Variants in NUDCD3 observed in about 807,000 individuals in gnomAD.
The protein encoded by NUDCD3 is NudC domain containing 3.
A neutral mutation model predicts 39.7 loss-of-function variants in NUDCD3; 13 were observed. That is an observed-to-expected ratio of 0.33 (90% CI 0.21 to 0.52). The LOEUF (loss-of-function observed/expected upper bound fraction) is 0.52. Ranked by LOEUF, NUDCD3 falls within the 20% of genes least tolerant of loss-of-function variation. The pLI, the probability that NUDCD3 is intolerant of heterozygous loss-of-function variation, is 0.96. For missense variants in NUDCD3, 453 were observed against 458.1 expected (o/e 0.99, Z 0.10); for synonymous variants, 175 against 172.4 (o/e 1.02, Z -0.12).
intron 2 of NUDCD3, among the ~76,000 whole-genome samples, chr7:44,444,574 T>G (rs1221105274): frequency 6.6e-6 from 1 of 152,222 alleles, no homozygotes; most frequent in African/African-American, 2.4e-5. Context: ...AAGAATTACT[T>G]TGACAGAGCA....
At chr7:44,481,294 G>C (rs1800486000) in intron 2 of NUDCD3, 1 of 152,206 alleles carries the variant, frequency 6.6e-6, no homozygotes, top group South Asian at 2.1e-4. Flanking sequence ...TGGCTTACAT[G>C]ATTGTGGGGG....
At chr7:44,418,013 G>A (rs956335448) in intron 3 of NUDCD3, among the ~76,000 whole-genome samples, 1 of 152,190 alleles carries the variant, frequency 6.6e-6, no homozygotes, top group African/African-American at 2.4e-5. Context: ...AAAAGTCTCA[G>A]TCTTCTTAGG....
chr7:44,490,418 C>T lies in NUDCD3; in HGVS notation c.183G>A (p.Leu61=). The part of the protein sequence containing the change: ...MGFPPGAAQA[L]VLQVFKTFDH... The stretch of plus-strand genomic sequence containing the variant: ...GGCCCGCCCGCCTCACCTGCAGCAC[C>T]AAGGCCTGCGCGGCCCCGGGCGGGA... The change falls in exon 1 of 6, where the codon TTG becomes TTA. Residue 61 remains leucine, a synonymous_variant. Coordinates refer to ENST00000355451, the MANE Select transcript of NUDCD3 (RefSeq NM_015332.4). The T allele has an allele frequency of 6.4e-7, 1 of 1,565,170 alleles. No homozygotes were observed. The highest frequency in any genetic ancestry group is 8.6e-7 in the Non-Finnish European group (1 of 1,156,538).
chr7:44,411,875 T>C lies in NUDCD3; in HGVS notation c.643-7292A>G, dbSNP rs558969265. 2.2e-4 allele frequency among the ~76,000 whole-genome samples: 34 copies of C among 152,272 alleles called. No individual in the cohort carries two copies. The South Asian group carries it at 5.8e-3, about 26-fold the overall frequency. On this transcript the variant is annotated intron_variant, in intron 3 of 5. Coordinates refer to ENST00000355451, the MANE Select transcript of NUDCD3 (RefSeq NM_015332.4). The stretch of plus-strand genomic sequence containing the variant: ...CATGTATGGGTGGTAAAGGGAAAGA[T>C]TGGAGGTACAAGTAGATGCACAGTG...
At chr7:44,487,943 A>G (rs1800647278) in intron 1 of NUDCD3, among the ~76,000 whole-genome samples, 1 of 150,936 alleles carries the variant, frequency 6.6e-6, no homozygotes, top group South Asian at 2.1e-4. Context: ...ACAGAATGAG[A>G]CTCCATCTCA....
chr7:44,476,930 G>A (rs929652202), intron 2 of NUDCD3, among the ~76,000 whole-genome samples: 5 of 152,140 alleles, frequency 3.3e-5, no homozygotes, highest in Non-Finnish European at 7.3e-5. Context: ...CATACCTACG[G>A]AGACCAAGTC....
At chr7:44,437,295 T>C (rs1226891114) in intron 2 of NUDCD3, among the ~76,000 whole-genome samples, 1 of 151,938 alleles carries the variant, frequency 6.6e-6, no homozygotes, top group African/African-American at 2.4e-5. Context: ...GTCTCAAACT[T>C]CTGACCTCAT....
chr7:44,379,942 T>C lies in NUDCD3; in HGVS notation c.*6069A>G, dbSNP rs1160010787. On this transcript the variant is annotated 3_prime_UTR_variant, in exon 6 of 6. Transcript: ENST00000355451. ...GTTAGTTTTAGCAGAGGTGTGAAGG[T>C]GATTCCTCTCTGAGCTGGAGGTGGA... The C allele has an allele frequency of 6.6e-6, 1 of 152,448 alleles. No homozygotes were observed. The highest frequency in any genetic ancestry group is 1.5e-5 in the Non-Finnish European group (1 of 68,252). 9.4% of individuals were successfully genotyped at this position (152,448 alleles called of 1,614,324 possible). A position where few individuals can be genotyped will look rare whatever the true frequency, so the allele number is the denominator to read the frequency against.
At chr7:44,434,799 T>C (rs1185827226) in intron 2 of NUDCD3, among the ~76,000 whole-genome samples, 1 of 152,186 alleles carries the variant, frequency 6.6e-6, no homozygotes, top group Non-Finnish European at 1.5e-5. Context: ...AGCAACCAGG[T>C]AACGGTGACT....
intron 2 of NUDCD3, among the ~76,000 whole-genome samples, chr7:44,430,562 A>C (rs890490821): frequency 1.4e-5 from 2 of 140,050 alleles, no homozygotes; most frequent in Non-Finnish European, 3.1e-5. Flanking sequence ...ACCCACACAC[A>C]CACACACTCA....
At chr7:44,396,127 T>TGTGTGTGTG (rs1563164537) in intron 4 of NUDCD3, among the ~76,000 whole-genome samples, 6 of 124,628 alleles carry the variant, frequency 4.8e-5, no homozygotes, top group African/African-American at 1.8e-4. Context: ...GTGTGTGTGT[T>TGTGTGTGTG]TAATTACAGC....
intron 2 of NUDCD3, among the ~76,000 whole-genome samples, chr7:44,473,859 GAA>G (rs546570786): frequency 7.2e-5 from 11 of 151,880 alleles, no homozygotes; most frequent in African/African-American, 2.4e-4. Context: ...AATTTTGAGG[GAA>G]AAAAAAGAGA....
intron 5 of NUDCD3, among the ~76,000 whole-genome samples, chr7:44,390,090 C>T (rs965929627): frequency 7.2e-5 from 11 of 152,278 alleles, no homozygotes; most frequent in African/African-American, 2.2e-4. Context: ...ACTGGCCAGG[C>T]GTGGTGGCTC....
intron 1 of NUDCD3, among the ~76,000 whole-genome samples, chr7:44,486,252 C>T (rs940752655): frequency 3.3e-5 from 5 of 152,180 alleles, no homozygotes; most frequent in Admixed American, 6.5e-5. Context: ...GGCTAGAATG[C>T]GGACAGGTAT....
chr7:44,382,790 G>A lies in NUDCD3; in HGVS notation c.*3221C>T, dbSNP rs1798328245. 1 of 152,368 alleles carries A rather than the reference G, an allele frequency of 6.6e-6. No homozygotes were observed. Among genetic ancestry groups the A allele is most frequent in the South Asian group, 2.1e-4 (1 of 4,834 alleles). 9.4% of individuals were successfully genotyped at this position (152,368 alleles called of 1,614,324 possible). On this transcript the variant is annotated 3_prime_UTR_variant, in exon 6 of 6. Coordinates refer to ENST00000355451, the MANE Select transcript of NUDCD3 (RefSeq NM_015332.4). ...AGGCCCAGTGGAGAGCAGATTTGAG[G>A]TGGGGGTGAGGTCTGTTCCCCAAGC...
chr7:44,397,954 C>T (rs1466836723), intron 4 of NUDCD3, among the ~76,000 whole-genome samples: 2 of 152,124 alleles, frequency 1.3e-5, no homozygotes, highest in Non-Finnish European at 2.9e-5. Flanking sequence ...TCCTGATTAA[C>T]TCATGTGTGC....
chr7:44,480,941 C>CAAAAAAAAAAAA (rs1164765600), intron 2 of NUDCD3, among the ~76,000 whole-genome samples: 2 of 34,876 alleles, frequency 5.7e-5, no homozygotes, highest in African/African-American at 1.1e-4. Flanking sequence ...GACCCAGTAT[C>CAAAAAAAAAAAA]AAAAAAAAAA....
intron 3 of NUDCD3, among the ~76,000 whole-genome samples, chr7:44,419,247 C>T (rs1404131550): frequency 4.6e-5 from 7 of 152,112 alleles, no homozygotes; most frequent in Admixed American, 2.6e-4. Flanking sequence ...CTCAACACAG[C>T]GTGGCAAAGT....
At chr7:44,402,681 C>T (rs770276374) in intron 4 of NUDCD3, 7 of 456,586 alleles carry the variant, frequency 1.5e-5, no homozygotes, top group South Asian at 3.1e-5. Context: ...TTGAGAGCAT[C>T]GTGACCTGCT....
Sources: allele counts gnomAD v4.1 joint callset (sites outside exome capture counted in the v4.1 genomes callset), GRCh38; gene constraint gnomAD v4.1.1; transcripts MANE v1.5; gene names NCBI Gene and HGNC (gene_info 2026-07-23, HGNC 2026-07-21).